Variants in KCNQ1 observed in about 807,000 individuals in gnomAD.
KCNQ1 encodes potassium voltage-gated channel subfamily Q member 1, also known as potassium voltage-gated channel subfamily KQT member 1.
Under a neutral mutation model 72.4 loss-of-function variants are expected in KCNQ1, and 49 were observed. The observed-to-expected ratio is 0.68, with a 90% CI of 0.54 to 0.86. KCNQ1 has a LOEUF of 0.86. Ranked by LOEUF, KCNQ1 falls within the 40% of genes least tolerant of loss-of-function variation. KCNQ1 has a pLI of 0.00. For synonymous variants in KCNQ1, 450 were observed against 412.6 expected (o/e 1.09, Z -1.10); for missense variants, 790 against 945.1 (o/e 0.84, Z 2.15).
chr11:2,797,150 C>A (rs761860929), intron 15 of KCNQ1, among the ~76,000 whole-genome samples: 4 of 145,426 alleles, frequency 2.8e-5, no homozygotes, highest in African/African-American at 7.7e-5. Context: ...CCGGCCGCTC[C>A]GGGCAGACCT....
At position 2,662,335 on chromosome 11, in the gene KCNQ1, G is replaced by C. The variant is rs989921094; in HGVS notation, c.1514+254G>C. 3 of 572,222 alleles carry C rather than the reference G, an allele frequency of 5.2e-6. No homozygotes were observed. The African/African-American group carries it at 5.6e-5, about 11-fold the overall frequency. The allele number at this position is 572,222 out of a possible 1,614,324, so 35.4% of individuals were successfully genotyped here. A position where few individuals can be genotyped will look rare whatever the true frequency, so the allele number is the denominator to read the frequency against. On this transcript the variant is annotated intron_variant, in intron 11 of 15. Transcript: ENST00000155840. ...AAACCAGACTGATCATTTTCCACTTGTTTTCATGCTTTGAGAGTCTGAGAT... is the reference window on the plus strand; with the variant it reads ...AAACCAGACTGATCATTTTCCACTTCTTTTCATGCTTTGAGAGTCTGAGAT...
At chr11:2,788,643 G>T (rs2134005149) in intron 15 of KCNQ1, among the ~76,000 whole-genome samples, 1 of 152,060 alleles carries the variant, frequency 6.6e-6, no homozygotes, top group Non-Finnish European at 1.5e-5. Flanking sequence ...CGGGGGCTCT[G>T]ACTGATCAAA....
intron 11 of KCNQ1, among the ~76,000 whole-genome samples, chr11:2,705,787 G>A (rs1269090398): frequency 1.3e-5 from 2 of 152,182 alleles, no homozygotes; most frequent in African/African-American, 2.4e-5. Context: ...CATCCCTGTC[G>A]CTCTGGTGGT....
rs534739293 is a variant in KCNQ1 at position 2,786,399 on chromosome 11, A to G, written c.1794+8362A>G. Among the ~76,000 whole-genome samples, 3 of 152,082 alleles carry G rather than the reference A, an allele frequency of 2.0e-5. No individual in the cohort carries two copies. The South Asian group carries it at 6.2e-4, about 32-fold the overall frequency. On this transcript the variant is annotated intron_variant, in intron 15 of 15. Coordinates refer to ENST00000155840, the MANE Select transcript of KCNQ1 (RefSeq NM_000218.3). ...GACTCTAGTCTGCATTTTCACTAGG[A>G]TATGTTAATAGGTTTCTTTTTTTCT...
At position 2,648,922 on chromosome 11, in the gene KCNQ1, T is replaced by A. The variant is rs536863103; in HGVS notation, c.1394-13039T>A. 2.7e-3 allele frequency: 1,056 copies of A among 398,348 alleles called. 3 individuals are homozygous for A. The highest frequency in any genetic ancestry group is 3.7e-3 in the Non-Finnish European group (827 of 225,968). 24.7% of individuals were successfully genotyped at this position (398,348 alleles called of 1,614,324 possible). Reference sequence around the variant, plus strand: ...TTGCATATATAATTGTTATATCTTCTTGCTGAATTGATCCATTTATAATTA... The same window carrying A: ...TTGCATATATAATTGTTATATCTTCATGCTGAATTGATCCATTTATAATTA... On this transcript the variant is annotated intron_variant, in intron 10 of 15. Coordinates refer to ENST00000155840, the MANE Select transcript of KCNQ1 (RefSeq NM_000218.3).
rs759620486 is a variant in KCNQ1 at position 2,695,830 on chromosome 11, A to G, written c.1514+33749A>G. 29 of 398,446 alleles carry G rather than the reference A, an allele frequency of 7.3e-5. No homozygotes were observed. Among genetic ancestry groups the G allele is most frequent in the South Asian group, 1.3e-4 (1 of 7,858 alleles). 24.7% of individuals were successfully genotyped at this position (398,446 alleles called of 1,614,324 possible). A position where few individuals can be genotyped will look rare whatever the true frequency, so the allele number is the denominator to read the frequency against. On this transcript the variant is annotated intron_variant, in intron 11 of 15. Coordinates refer to ENST00000155840, the MANE Select transcript of KCNQ1 (RefSeq NM_000218.3). The surrounding 1 kb of genome is among the most constrained non-coding windows in gnomAD (Gnocchi z 5.2). ...TGTTGCTTTCATTTACATTTCTCTG[A>G]TAACTGATTAGCTTGGGCAAATTTT...
Position 2,549,652 on chromosome 11 carries a change from T to C in KCNQ1, c.478-20976T>C, listed in dbSNP as rs906360930. Reference sequence around the variant, plus strand: ...GTAGGGGCGTGGGGGGGCCTCCTCCTCCCAAGCACCTGGGGTGGGAACAAG... The same window carrying C: ...GTAGGGGCGTGGGGGGGCCTCCTCCCCCCAAGCACCTGGGGTGGGAACAAG... On this transcript the variant is annotated intron_variant, in intron 2 of 15. Coordinates refer to ENST00000155840, the MANE Select transcript of KCNQ1 (RefSeq NM_000218.3). The surrounding 1 kb of genome is among the most constrained non-coding windows in gnomAD (Gnocchi z 6.2). 4.6e-5 allele frequency among the ~76,000 whole-genome samples: 7 copies of C among 151,436 alleles called. No homozygotes were observed. Among genetic ancestry groups the C allele is most frequent in the Admixed American group, 2.6e-4 (4 of 15,244 alleles).
At chr11:2,628,990 T>C (rs571892728) in intron 10 of KCNQ1, 2 of 398,356 alleles carry the variant, frequency 5.0e-6, no homozygotes, top group South Asian at 2.5e-4. Flanking sequence ...ACCAGTACCA[T>C]AACTTTGAAA....
chr11:2,801,671 G>A (rs1847267433), intron 15 of KCNQ1, among the ~76,000 whole-genome samples: 1 of 152,222 alleles, frequency 6.6e-6, no homozygotes, highest in Non-Finnish European at 1.5e-5. Context: ...GCTTCAACAT[G>A]TGAATTTAGG....
Position 2,521,804 on chromosome 11 carries a change from G to A in KCNQ1, c.387-6124G>A, listed in dbSNP as rs116754514. Among the ~76,000 whole-genome samples the A allele has an allele frequency of 4.7e-3, 709 of 152,352 alleles. 6 individuals carry two copies. The highest frequency in any genetic ancestry group is 0.016 in the African/African-American group (670 of 41,592). On this transcript the variant is annotated intron_variant, in intron 1 of 15. Transcript: ENST00000155840. ...CAGAGTCCCGGCACAGCCCCCACCC[G>A]GACTGGATTTGCTTGGCGGGTCACC...
chr11:2,790,860 C>A (rs1396275435), intron 15 of KCNQ1, among the ~76,000 whole-genome samples: 1 of 152,196 alleles, frequency 6.6e-6, no homozygotes, highest in Non-Finnish European at 1.5e-5. Context: ...CCGCCTCAAC[C>A]CTACTACGTG....
Position 2,682,441 on chromosome 11 carries a change from T to C in KCNQ1, c.1514+20360T>C, listed in dbSNP as rs1850413946. ...TTTTATCTTCAGTGCTTAATCCATATGGAGCCTGTCACGGACCCTCAGTGA... is the reference window on the plus strand; with the variant it reads ...TTTTATCTTCAGTGCTTAATCCATACGGAGCCTGTCACGGACCCTCAGTGA... On this transcript the variant is annotated intron_variant, in intron 11 of 15. Coordinates refer to ENST00000155840, the MANE Select transcript of KCNQ1 (RefSeq NM_000218.3). This position sits in a 1 kb window ranked among gnomAD's most constrained non-coding sequence, Gnocchi z 5.8. 2.5e-6 allele frequency: 1 copy of C among 398,412 alleles called. No homozygotes were observed. Among genetic ancestry groups the C allele is most frequent in the Non-Finnish European group, 4.4e-6 (1 of 226,116 alleles). 24.7% of individuals were successfully genotyped at this position (398,412 alleles called of 1,614,324 possible).
intron 15 of KCNQ1, among the ~76,000 whole-genome samples, chr11:2,795,435 G>A (rs778599930): frequency 6.6e-5 from 10 of 152,214 alleles, no homozygotes; most frequent in Non-Finnish European, 1.2e-4. Flanking sequence ...GCTGTGAGCC[G>A]AGGGGCTCCT....
rs1362233265 is a variant in KCNQ1 at position 2,759,169 on chromosome 11, A to G, written c.1515-9675A>G. ...AATTGTTTCAAAATAAAAAGAAGCA[A>G]AACAACACACTGGGAGGTGCAGGAA... On this transcript the variant is annotated intron_variant, in intron 11 of 15. Transcript: ENST00000155840. This position sits in a 1 kb window ranked among gnomAD's most constrained non-coding sequence, Gnocchi z 4.4. Among the ~76,000 whole-genome samples, 1 of 152,144 alleles carries G rather than the reference A, an allele frequency of 6.6e-6. No homozygotes were observed. Among genetic ancestry groups the G allele is most frequent in the Admixed American group, 6.5e-5 (1 of 15,278 alleles).
chr11:2,770,948 T>C (rs950349081), intron 12 of KCNQ1, among the ~76,000 whole-genome samples: 2 of 152,144 alleles, frequency 1.3e-5, no homozygotes, highest in African/African-American at 4.8e-5. Context: ...GAGGAGACCA[T>C]GGGAAGGGCC....
At chr11:2,665,128 G>A (rs1850042292) in intron 11 of KCNQ1, 1 of 398,454 alleles carries the variant, frequency 2.5e-6, no homozygotes, top group Non-Finnish European at 4.4e-6. Context: ...GCCTATAGGT[G>A]GGCCCTACTG....
chr11:2,775,616 G>T (rs1007091256), intron 12 of KCNQ1, among the ~76,000 whole-genome samples: 2 of 152,190 alleles, frequency 1.3e-5, no homozygotes, highest in African/African-American at 2.4e-5. Flanking sequence ...GACCCCTTGG[G>T]GGGGCCAGCT....
At position 2,715,071 on chromosome 11, in the gene KCNQ1, C is replaced by T. The variant is rs761926718; in HGVS notation, c.1514+52990C>T. Among the ~76,000 whole-genome samples, 7 of 152,006 alleles carry T rather than the reference C, an allele frequency of 4.6e-5. No homozygotes were observed. The highest frequency in any genetic ancestry group is 4.2e-4 in the South Asian group (2 of 4,818). On this transcript the variant is annotated intron_variant, in intron 11 of 15. Coordinates refer to ENST00000155840, the MANE Select transcript of KCNQ1 (RefSeq NM_000218.3). This position sits in a 1 kb window ranked among gnomAD's most constrained non-coding sequence, Gnocchi z 4.9. ...TGGTGAGGAGTAGCAGGGTGGGGTC[C>T]GGCGGTAATGCCACTGATGATACTT...
At position 2,612,354 on chromosome 11, in the gene KCNQ1, C is replaced by T. The variant is rs993913570; in HGVS notation, c.1393+23500C>T. 2 of 398,508 alleles carry T rather than the reference C, an allele frequency of 5.0e-6. No individual in the cohort carries two copies. Among genetic ancestry groups the T allele is most frequent in the Non-Finnish European group, 8.8e-6 (2 of 226,088 alleles). The allele number at this position is 398,508 out of a possible 1,614,324, so 24.7% of individuals were successfully genotyped here. A position where few individuals can be genotyped will look rare whatever the true frequency, so the allele number is the denominator to read the frequency against. On this transcript the variant is annotated intron_variant, in intron 10 of 15. Transcript: ENST00000155840. The surrounding 1 kb of genome is among the most constrained non-coding windows in gnomAD (Gnocchi z 5.5). ...AACTGGCTGTGGAAAAATTGTCTTCCACAAAACTGGTCCCTCATGCCAAAA... is the reference window on the plus strand; with the variant it reads ...AACTGGCTGTGGAAAAATTGTCTTCTACAAAACTGGTCCCTCATGCCAAAA...
Sources: allele counts gnomAD v4.1 joint callset (sites outside exome capture counted in the v4.1 genomes callset), GRCh38; gene constraint gnomAD v4.1.1; non-coding constraint Gnocchi (gnomAD v3.1); transcripts MANE v1.5; gene names NCBI Gene and HGNC (gene_info 2026-07-23, HGNC 2026-07-21).